The following MCM10 variants were observed in gnomAD, a reference collection of about 807,000 sequenced individuals.
MCM10 encodes the protein protein MCM10 homolog.
In MCM10, 91 loss-of-function variants were observed where a neutral mutation model predicts 109.9. The ratio of observed to expected loss-of-function variants is 0.83; its 90% confidence interval spans 0.70 to 0.99. The LOEUF (loss-of-function observed/expected upper bound fraction) is 0.99, where lower values mean the gene tolerates loss of function less well. MCM10 is among the 50% of genes least tolerant of loss of function. The pLI, the probability that MCM10 is intolerant of heterozygous loss-of-function variation, is 0.00. For missense variants in MCM10, 1,077 were observed against 1,061.2 expected, an observed-to-expected ratio of 1.01 and a Z score of -0.21; for synonymous variants, 380 against 387.2, an observed-to-expected ratio of 0.98 and a Z score of 0.22.
intron 8 of MCM10, 131 bp downstream of exon 8, chr10:13,183,231 A>G: frequency 2.0e-6 from 2 of 993,850 alleles, no homozygotes; most frequent in Non-Finnish European, 2.9e-6. Context: ...CCAAAGCGGG[A>G]GGATCACTTG....
chr10:13,195,255 G>C lies in MCM10; in HGVS notation c.1960G>C (p.Ala654Pro). Residue 654 changes from alanine to proline, a missense_variant, in exon 14 of 20, where the codon GCA (alanine) becomes CCA (proline). Coordinates refer to ENST00000378714, the MANE Select transcript of MCM10 (RefSeq NM_018518.5). Reference sequence around the variant, plus strand: ...ACCAAGACCAAAACTGAGTGCTTTAGCAGAAGCCAAAAAGGTAACTGGCAT... The same window carrying C: ...ACCAAGACCAAAACTGAGTGCTTTACCAGAAGCCAAAAAGGTAACTGGCAT... ...PPPRPKLSAL[A>P]EAKKLAAITK... 6.2e-7 allele frequency: 1 copy of C among 1,600,962 alleles called. No homozygotes were observed. The highest frequency in any genetic ancestry group is 1.7e-4 in the Middle Eastern group (1 of 6,046).
rs1327654370 is a variant in MCM10 at position 13,180,559 on chromosome 10, G to A, written c.882G>A (p.Val294=). ...AGAAGCTGGAAGAAATAGATTGGGT[G>A]ACATTTGGGGTTATATTGAAGAAGG... The part of the protein sequence containing the change: ...AREKLEEIDW[V]TFGVILKKVT... The change falls in exon 7 of 20, where the codon GTG becomes GTA. Residue 294 remains valine, a synonymous_variant. Coordinates refer to ENST00000378714, the MANE Select transcript of MCM10 (RefSeq NM_018518.5). 2 of 1,614,170 alleles carry A rather than the reference G, an allele frequency of 1.2e-6. No homozygotes were observed. Among genetic ancestry groups the A allele is most frequent in the South Asian group, 2.2e-5 (2 of 91,082 alleles).
Position 13,204,332 on chromosome 10 carries a change from C to G in MCM10, c.2466C>G (p.Ile822Met), listed in dbSNP as rs373500766. The G allele has an allele frequency of 6.2e-6, 10 of 1,614,088 alleles. No homozygotes were observed. The highest frequency in any genetic ancestry group is 8.5e-6 in the Non-Finnish European group (10 of 1,180,048). ...FFKCPCGNRS[I>M]SLDRLPNKHC... Reference sequence around the variant, plus strand: ...AATGTCCCTGTGGAAACAGAAGCATCTCCTTGGACAGACTCCCGAACAAGC... The same window carrying G: ...AATGTCCCTGTGGAAACAGAAGCATGTCCTTGGACAGACTCCCGAACAAGC... Residue 822 changes from isoleucine (I) to methionine (M), a missense_variant, in exon 18 of 20, where the codon ATC becomes ATG. By Grantham distance (10) the Ile-to-Met change is conservative. Transcript: ENST00000378714.
chr10:13,181,025 C>T (rs1028718004), intron 7 of MCM10, among the ~76,000 whole-genome samples: 7 of 152,116 alleles, frequency 4.6e-5, no homozygotes, highest in Admixed American at 1.3e-4. Flanking sequence ...TGTGTCAGTG[C>T]CGTGTGATAT....
rs201520041 is a variant in MCM10 at position 13,201,424 on chromosome 10, G to A, written c.2242G>A (p.Glu748Lys). The A allele has an allele frequency of 1.5e-5, 24 of 1,609,706 alleles. No homozygotes were observed. The highest frequency in any genetic ancestry group is 2.2e-5 in the South Asian group (2 of 90,478). ...TCATTATGCCCTGTCATTCCAGGCC[G>A]AGGCTGAGATGCAGGAGCGCTACTT... ...SKHTGILKEAEAEMQERYFEP... is the reference protein window; with the variant it reads ...SKHTGILKEAKAEMQERYFEP... The change falls in exon 17 of 20, where the codon GAG becomes AAG. Residue 748 changes from glutamate to lysine, a missense_variant. Transcript: ENST00000378714.
rs962989700 is a variant in MCM10, at chr10:13,192,147, G to C, written c.1517-108G>C. The C allele has an allele frequency of 4.5e-6, 3 of 670,138 alleles. No homozygotes were observed. The African/African-American group carries it at 5.4e-5, about 12-fold the overall frequency. The allele number at this position is 670,138 out of a possible 1,614,324, so 41.5% of individuals were successfully genotyped here. ...TTCCTCTTGGGATTCCGTCTTCTTCGTTTACGTATGACTAAAATTACAAGT... is the reference window on the plus strand; with the variant it reads ...TTCCTCTTGGGATTCCGTCTTCTTCCTTTACGTATGACTAAAATTACAAGT... On this transcript the variant is annotated intron_variant, in intron 11 of 19. Coordinates refer to ENST00000378714, the MANE Select transcript of MCM10 (RefSeq NM_018518.5).
rs753462563 is a variant in MCM10 at position 13,172,802 on chromosome 10, G to A, written c.592+37G>A. Reference sequence around the variant, plus strand: ...GCGGTCTCAGTATCTTGGCACTATTGTATGTGTTTATGTGTGTGGGGGTGT... The same window carrying A: ...GCGGTCTCAGTATCTTGGCACTATTATATGTGTTTATGTGTGTGGGGGTGT... On this transcript the variant is annotated intron_variant, in intron 5 of 19. Transcript: ENST00000378714. This position sits in a 1 kb window ranked among gnomAD's most constrained non-coding sequence, Gnocchi z 5.2. 5 of 1,604,582 alleles carry A rather than the reference G, an allele frequency of 3.1e-6. No individual in the cohort carries two copies. The South Asian group carries it at 4.4e-5, about 14-fold the overall frequency.
At chr10:13,197,076 C>T (rs951135984) in intron 14 of MCM10, among the ~76,000 whole-genome samples, 6 of 152,100 alleles carry the variant, frequency 3.9e-5, no homozygotes, top group African/African-American at 1.4e-4. Flanking sequence ...CAGGCATGCA[C>T]TACCATGCCC....
In MCM10 at chr10:13,182,922, A is replaced by G. The variant is rs997687110; in HGVS notation, c.931-11A>G. The G allele has an allele frequency of 6.2e-7, 1 of 1,607,072 alleles. No individual in the cohort carries two copies. The highest frequency in any genetic ancestry group is 8.5e-7 in the Non-Finnish European group (1 of 1,175,898). On this transcript the variant is annotated splice_polypyrimidine_tract_variant and intron_variant, in intron 7 of 19. Coordinates refer to ENST00000378714, the MANE Select transcript of MCM10 (RefSeq NM_018518.5). This position sits in a 1 kb window ranked among gnomAD's most constrained non-coding sequence, Gnocchi z 4.2. ...CAGTTCAAAATTATAAAAAATAACTATTTGTTCCAGGGAAAAACCTTCAGC... is the reference window on the plus strand; with the variant it reads ...CAGTTCAAAATTATAAAAAATAACTGTTTGTTCCAGGGAAAAACCTTCAGC...
chr10:13,197,103 T>C (rs1350141849), intron 14 of MCM10, among the ~76,000 whole-genome samples: 1 of 151,672 alleles, frequency 6.6e-6, no homozygotes, highest in Non-Finnish European at 1.5e-5. Flanking sequence ...TTTTGTACCA[T>C]GCCCAGATGA....
intron 2 of MCM10, among the ~76,000 whole-genome samples, chr10:13,168,494 T>C (rs1335362018): frequency 1.3e-5 from 2 of 151,988 alleles, no homozygotes; most frequent in African/African-American, 4.8e-5. Context: ...CCCCTCACCC[T>C]CTCATACTCT....
In MCM10 at chr10:13,204,359, C is replaced by T; in HGVS notation, c.2493C>T (p.His831=). The change falls in exon 18 of 20, where the codon CAC becomes CAT. Residue 831 remains histidine (H), a synonymous_variant. Transcript: ENST00000378714. The stretch of plus-strand genomic sequence containing the variant: ...CCTTGGACAGACTCCCGAACAAGCA[C>T]TGCAGGTATGAGAATCACCTGGAGC... ...SISLDRLPNK[H]CSNCGLYKWE... 4 of 1,614,130 alleles carry T rather than the reference C, an allele frequency of 2.5e-6. No homozygotes were observed. The highest frequency in any genetic ancestry group is 2.5e-6 in the Non-Finnish European group (3 of 1,179,986).
Position 13,172,857 on chromosome 10 carries a change from G to T in MCM10, c.592+92G>T. ...GTGTGTGTGGGTGTCTGTGTCTTTTGGTCTGTCTTATGTCCCCATTGAGAA... is the reference window on the plus strand; with the variant it reads ...GTGTGTGTGGGTGTCTGTGTCTTTTTGTCTGTCTTATGTCCCCATTGAGAA... On this transcript the variant is annotated intron_variant, in intron 5 of 19. Coordinates refer to ENST00000378714, the MANE Select transcript of MCM10 (RefSeq NM_018518.5). The surrounding 1 kb of genome is among the most constrained non-coding windows in gnomAD (Gnocchi z 5.2). 2 of 1,294,932 alleles carry T rather than the reference G, an allele frequency of 1.5e-6. No homozygotes were observed. The highest frequency in any genetic ancestry group is 1.1e-6 in the Non-Finnish European group (1 of 926,458). The allele number at this position is 1,294,932 out of a possible 1,614,324, so 80.2% of individuals were successfully genotyped here. A position where few individuals can be genotyped will look rare whatever the true frequency, so the allele number is the denominator to read the frequency against.
At chr10:13,174,919 G>A (rs184117676) in intron 5 of MCM10, among the ~76,000 whole-genome samples, 5 of 151,752 alleles carry the variant, frequency 3.3e-5, no homozygotes, top group South Asian at 4.2e-4. Flanking sequence ...ACCTGAGGTC[G>A]GGAGTTCGAG....
In MCM10 at chr10:13,194,409, T is replaced by C. The variant is rs150987386; in HGVS notation, c.1746-632T>C. 3.9e-3 allele frequency among the ~76,000 whole-genome samples: 590 copies of C among 152,228 alleles called. 3 individuals carry two copies. Among genetic ancestry groups the C allele is most frequent in the Middle Eastern group, 0.014 (4 of 294 alleles). ...TCTTAAAACTATTTTTTGCCAGGCA[T>C]GATAGCTCACGCCTATAATCCCAAC... On this transcript the variant is annotated intron_variant, in intron 13 of 19. Transcript: ENST00000378714.
intron 5 of MCM10, among the ~76,000 whole-genome samples, chr10:13,175,228 G>A (rs546049132): frequency 6.6e-6 from 1 of 152,186 alleles, no homozygotes; most frequent in African/African-American, 2.4e-5. Context: ...GGGCTCAGGG[G>A]TTTGAGACCA....
intron 16 of MCM10, among the ~76,000 whole-genome samples, chr10:13,200,006 A>C (rs1163071645): frequency 6.6e-6 from 1 of 151,718 alleles, no homozygotes; most frequent in African/African-American, 2.4e-5. Context: ...GTTTTTTTTG[A>C]GACAAGGTCT....
Position 13,201,657 on chromosome 10 carries a change from G to A in MCM10, c.2352+123G>A. Reference sequence around the variant, plus strand: ...TCGTGATGTGTCAGTTAATTAGGCTGGAAAGCAAAGGGCGCAGGTGGCCCA... The same window carrying A: ...TCGTGATGTGTCAGTTAATTAGGCTAGAAAGCAAAGGGCGCAGGTGGCCCA... On this transcript the variant is annotated intron_variant, in intron 17 of 19. Coordinates refer to ENST00000378714, the MANE Select transcript of MCM10 (RefSeq NM_018518.5). The A allele has an allele frequency of 4.2e-6, 3 of 719,092 alleles. No individual in the cohort carries two copies. The South Asian group carries it at 5.3e-5, about 13-fold the overall frequency. 44.5% of individuals were successfully genotyped at this position (719,092 alleles called of 1,614,324 possible).
chr10:13,206,058 G>A (rs193204463), intron 18 of MCM10, among the ~76,000 whole-genome samples: 189 of 152,140 alleles, frequency 1.2e-3, no homozygotes, highest in African/African-American at 4.5e-3. Flanking sequence ...CTATCCCTTC[G>A]CACCATCCTC....
Sources: gnomAD v4.1 joint callset for allele counts (sites outside exome capture counted in the v4.1 genomes callset) on GRCh38, gnomAD v4.1.1 for gene constraint, Gnocchi (gnomAD v3.1) non-coding constraint, MANE v1.5 for transcripts, NCBI Gene and HGNC (gene_info 2026-07-23, HGNC 2026-07-21) for gene names.